The following CDH18 variants were observed in gnomAD, a reference collection of about 807,000 sequenced individuals.
CDH18 encodes the protein cadherin 18.
CDH18 carries 31 observed loss-of-function variants against 67.9 expected under a neutral mutation model. That is an observed-to-expected ratio of 0.46 (90% confidence interval 0.34 to 0.62). CDH18 has a LOEUF of 0.62. Among genes scored for constraint, CDH18 ranks in the 20% least tolerant of loss-of-function variants. CDH18 has a pLI of 0.01. For missense variants in CDH18, 890 were observed against 975.5 expected (o/e 0.91, Z 1.17); for synonymous variants, 362 against 347.2 (o/e 1.04, Z -0.48).
intron 5 of CDH18, among the ~76,000 whole-genome samples, chr5:19,634,830 G>C (rs1327989535): frequency 6.6e-6 from 1 of 151,842 alleles, no homozygotes; most frequent in African/African-American, 2.4e-5. Flanking sequence ...CCAGCTACTT[G>C]GGAGGCTGAG....
intron 3 of CDH18, among the ~76,000 whole-genome samples, chr5:19,800,377 A>T (rs1456649839): frequency 1.3e-5 from 2 of 152,212 alleles, no homozygotes; most frequent in Non-Finnish European, 2.9e-5. Context: ...AAAAAAATGT[A>T]TGTAATTTTT....
At chr5:20,281,598 T>A (rs1209893786) in intron 1 of CDH18, among the ~76,000 whole-genome samples, 1 of 152,174 alleles carries the variant, frequency 6.6e-6, no homozygotes, top group Non-Finnish European at 1.5e-5. Context: ...CCGTGCTGTT[T>A]TGGTTACTGT....
chr5:19,527,235 GA>G (rs1246616893), intron 9 of CDH18, among the ~76,000 whole-genome samples: 2 of 151,706 alleles, frequency 1.3e-5, no homozygotes, highest in Admixed American at 1.3e-4. Flanking sequence ...GATTTGAAAT[GA>G]GAGTAGTTTT....
At chr5:20,158,074 G>A (rs1030740161) in intron 2 of CDH18, among the ~76,000 whole-genome samples, 3 of 152,038 alleles carry the variant, frequency 2.0e-5, no homozygotes, top group Admixed American at 1.3e-4. Flanking sequence ...TTGTGAATTG[G>A]AGTATTTCAT....
chr5:19,666,588 G>A (rs1757991678), intron 5 of CDH18, among the ~76,000 whole-genome samples: 1 of 151,972 alleles, frequency 6.6e-6, no homozygotes, highest in African/African-American at 2.4e-5. Context: ...GGTTGAACTT[G>A]TGGTATAGGT....
At chr5:19,496,980 A>G (rs896152111) in intron 11 of CDH18, among the ~76,000 whole-genome samples, 1 of 152,116 alleles carries the variant, frequency 6.6e-6, no homozygotes, top group East Asian at 1.9e-4. Context: ...CACAACTGTG[A>G]GAAATAAATT....
At chr5:20,296,837 C>T (rs1214378423) in intron 1 of CDH18, among the ~76,000 whole-genome samples, 13 of 151,508 alleles carry the variant, frequency 8.6e-5, no homozygotes, top group Admixed American at 8.5e-4. Context: ...TATGATATTT[C>T]GATATTCACT....
At chr5:19,837,854 G>A (rs1781855256) in intron 3 of CDH18, among the ~76,000 whole-genome samples, 1 of 152,120 alleles carries the variant, frequency 6.6e-6, no homozygotes, top group African/African-American at 2.4e-5. Flanking sequence ...TTCTACTGCT[G>A]TGCTTGCTGT....
At chr5:19,652,562 T>C (rs112719736) in intron 5 of CDH18, among the ~76,000 whole-genome samples, 34 of 152,282 alleles carry the variant, frequency 2.2e-4, no homozygotes, top group African/African-American at 7.7e-4. Flanking sequence ...GGATACATCA[T>C]CCTGAAAAGT....
At chr5:19,521,188 C>T (rs948976131) in intron 9 of CDH18, among the ~76,000 whole-genome samples, 1 of 152,034 alleles carries the variant, frequency 6.6e-6, no homozygotes, top group Admixed American at 6.6e-5. Flanking sequence ...TCTAACTAAA[C>T]TCAAAGAAAA....
intron 1 of CDH18, among the ~76,000 whole-genome samples, chr5:20,394,079 C>A (rs142978379): frequency 1.3e-5 from 2 of 151,922 alleles, no homozygotes; most frequent in East Asian, 3.9e-4. Context: ...TATATGGAAT[C>A]CCAAAAGTAC....
chr5:20,276,032 T>C (rs1350911717), intron 1 of CDH18, among the ~76,000 whole-genome samples: 4 of 152,174 alleles, frequency 2.6e-5, no homozygotes, highest in African/African-American at 9.6e-5. Context: ...GCAGACATAA[T>C]GTGACTTCCA....
chr5:19,604,768 CT>C (rs1747761191), intron 6 of CDH18, among the ~76,000 whole-genome samples: 1 of 151,952 alleles, frequency 6.6e-6, no homozygotes, highest in Non-Finnish European at 1.5e-5. Flanking sequence ...TAAGAAATAT[CT>C]TTAAAATCGT....
chr5:19,625,800 T>A (rs1032230807), intron 5 of CDH18, among the ~76,000 whole-genome samples: 2 of 151,928 alleles, frequency 1.3e-5, no homozygotes, highest in African/African-American at 4.8e-5. Flanking sequence ...TTCACCCCAT[T>A]TGCAGCAGGG....
chr5:20,423,946 C>CAAAAAA (rs553723574), intron 1 of CDH18, among the ~76,000 whole-genome samples: 4 of 63,820 alleles, frequency 6.3e-5, no homozygotes, highest in African/African-American at 2.7e-4. Flanking sequence ...GACTCCGTCT[C>CAAAAAA]AAAAAAAAAA....
At chr5:20,116,269 G>A (rs534937975) in intron 2 of CDH18, among the ~76,000 whole-genome samples, 54 of 152,136 alleles carry the variant, frequency 3.5e-4, no homozygotes, top group African/African-American at 1.2e-3. Flanking sequence ...TGCATAATGG[G>A]AGGCCCGAGG....
At chr5:20,220,670 C>G (rs957381824) in intron 2 of CDH18, among the ~76,000 whole-genome samples, 4 of 151,836 alleles carry the variant, frequency 2.6e-5, no homozygotes, top group Admixed American at 6.6e-5. Flanking sequence ...GGGCAAAAAC[C>G]AGCCAAGTGA....
At chr5:19,553,324 A>T (rs957816115) in intron 8 of CDH18, among the ~76,000 whole-genome samples, 74 of 152,226 alleles carry the variant, frequency 4.9e-4, no homozygotes, top group Admixed American at 1.3e-3. Context: ...TGTAACAGAA[A>T]TCCATTTTTA....
chr5:19,527,668 G>C (rs186847248), intron 9 of CDH18, among the ~76,000 whole-genome samples: 2 of 151,824 alleles, frequency 1.3e-5, no homozygotes, highest in African/African-American at 4.8e-5. Flanking sequence ...AGCATAACAC[G>C]TGTAGAAATA....
Sources: allele counts gnomAD v4.1 joint callset (sites outside exome capture counted in the v4.1 genomes callset), GRCh38; gene constraint gnomAD v4.1.1; transcripts MANE v1.5; gene names NCBI Gene and HGNC (gene_info 2026-07-23, HGNC 2026-07-21).